PAX8: variants seen among roughly 807,000 people sequenced by gnomAD.
PAX8 encodes paired box protein Pax-8.
In PAX8, 15 loss-of-function variants were observed where a neutral mutation model predicts 52.4. The observed-to-expected ratio is 0.29, with a 90% confidence interval of 0.19 to 0.44. The LOEUF (loss-of-function observed/expected upper bound fraction) is 0.44. Ranked by LOEUF, PAX8 falls within the 20% of genes least tolerant of loss-of-function variation. PAX8 has a pLI of 1.00. For missense variants in PAX8, 554 were observed against 602.5 expected (o/e 0.92, Z 0.84); for synonymous variants, 284 against 249.7 (o/e 1.14, Z -1.29).
At chr2:113,243,837 A>C (rs964701084) in intron 4 of PAX8, among the ~76,000 whole-genome samples, 3 of 152,242 alleles carry the variant, frequency 2.0e-5, no homozygotes, top group African/African-American at 7.2e-5. Context: ...GCTACCTTGC[A>C]TATCTTCATG....
chr2:113,250,807 T>G (rs1277283367), intron 2 of PAX8: 1 of 152,250 alleles, frequency 6.6e-6, no homozygotes, highest in East Asian at 1.9e-4. Context: ...AAGACAAGAA[T>G]CCTGGCCTTC....
At chr2:113,266,664 G>A (rs753925107) in intron 2 of PAX8, 1 of 152,214 alleles carries the variant, frequency 6.6e-6, no homozygotes, top group Non-Finnish European at 1.5e-5. Context: ...GAAGTTCATG[G>A]TGTTCTGCAA....
rs768437963 is a variant in PAX8, at chr2:113,246,958, A to G, written c.26-39T>C. On this transcript the variant is annotated intron_variant, in intron 2 of 11. Transcript: ENST00000429538. ...ATTCCCAGGGACAGCTGTCAGGGTC[A>G]GGTAGGAGTTTGGGTGGGGATTAGC... 23 of 1,589,044 alleles carry G rather than the reference A, an allele frequency of 1.4e-5. No homozygotes were observed. In the African/African-American group the frequency reaches 2.7e-4, roughly 19 times the overall value.
At chr2:113,277,820 C>A (rs1319448593) in intron 2 of PAX8, among the ~76,000 whole-genome samples, 2 of 152,174 alleles carry the variant, frequency 1.3e-5, no homozygotes, top group African/African-American at 4.8e-5. Flanking sequence ...GCCCGGCCTG[C>A]CCGGTGCTGG....
At chr2:113,219,952 C>T in intron 11 of PAX8, 140 bp downstream of exon 11, 1 of 626,302 alleles carries the variant, frequency 1.6e-6, no homozygotes, top group Non-Finnish European at 2.9e-6. Context: ...CTGCCTTCTT[C>T]CATCACAAAC....
intron 2 of PAX8, among the ~76,000 whole-genome samples, chr2:113,248,343 C>A (rs1691495162): frequency 6.6e-6 from 1 of 152,196 alleles, no homozygotes; most frequent in Non-Finnish European, 1.5e-5. Flanking sequence ...AGAGCTATGC[C>A]TGGATGCTTG....
At chr2:113,241,931 A>C in intron 6 of PAX8, 77 bp downstream of exon 6, 1 of 1,557,790 alleles carries the variant, frequency 6.4e-7, no homozygotes, top group Non-Finnish European at 8.8e-7. Flanking sequence ...TCATAAGTGG[A>C]AGGGTTTCTG....
At chr2:113,226,030 A>G in intron 10 of PAX8, 8 of 985,710 alleles carry the variant, frequency 8.1e-6, no homozygotes, top group Non-Finnish European at 9.6e-6. Flanking sequence ...GCACATCGCC[A>G]CGGTAACCAG....
Position 113,235,387 on chromosome 2 carries a change from G to A in PAX8, c.1087+7C>T, listed in dbSNP as rs748252451. ...AGCTGCATGGCCCCGGGACCTCCCTGTCGTACCTGAGAGGAGGGCCTGGCC... is the reference window on the plus strand; with the variant it reads ...AGCTGCATGGCCCCGGGACCTCCCTATCGTACCTGAGAGGAGGGCCTGGCC... On this transcript the variant is annotated splice_region_variant and intron_variant, in intron 9 of 11. Coordinates refer to ENST00000429538, the MANE Select transcript of PAX8 (RefSeq NM_003466.4). 2.6e-6 allele frequency: 4 copies of A among 1,566,106 alleles called. No homozygotes were observed. The highest frequency in any genetic ancestry group is 4.7e-5 in the East Asian group (2 of 42,152).
At chr2:113,266,627 G>A (rs921551985) in intron 2 of PAX8, 4 of 152,210 alleles carry the variant, frequency 2.6e-5, no homozygotes, top group Non-Finnish European at 4.4e-5. Context: ...CAGCTGTTCT[G>A]ACACTTGTCA....
chr2:113,256,330 A>G (rs1221188475), intron 2 of PAX8, among the ~76,000 whole-genome samples: 1 of 152,206 alleles, frequency 6.6e-6, no homozygotes, highest in South Asian at 2.1e-4. Context: ...TGTTTAGAGG[A>G]AGAGCCTGTG....
chr2:113,231,603 G>C (rs941812869), intron 9 of PAX8, among the ~76,000 whole-genome samples: 2 of 152,226 alleles, frequency 1.3e-5, no homozygotes, highest in African/African-American at 4.8e-5. Context: ...AGAGGCATGT[G>C]GAAGATTCAC....
chr2:113,257,731 A>C (rs114049776), intron 2 of PAX8, among the ~76,000 whole-genome samples: 6,266 of 152,210 alleles, frequency 0.041, 235 homozygotes, highest in South Asian at 0.15. Flanking sequence ...AGGAAGAGCT[A>C]TCTTTAGTAC....
intron 2 of PAX8, chr2:113,275,686 T>C (rs1454139257): frequency 6.6e-6 from 1 of 152,226 alleles, no homozygotes; most frequent in African/African-American, 2.4e-5. Flanking sequence ...TTTTCACTTT[T>C]ATATATATGG....
rs116441771 is a variant in PAX8 at position 113,242,198 on chromosome 2, G to A, written c.479-68C>T. On this transcript the variant is annotated intron_variant, in intron 5 of 11. Coordinates refer to ENST00000429538, the MANE Select transcript of PAX8 (RefSeq NM_003466.4). ...CCCCTCACAGCCCTGGGTGACTCTG[G>A]GGTAGTTACAGTTGAGCTGGGGACT... is the stretch of plus-strand genomic sequence containing the variant. 0.047 allele frequency: 69,815 copies of A among 1,473,230 alleles called. 2,484 individuals are homozygous for A. Among genetic ancestry groups the A allele is most frequent in the South Asian group, 0.14 (12,090 of 86,048 alleles). 91.3% of individuals were successfully genotyped at this position (1,473,230 alleles called of 1,614,324 possible).
At chr2:113,251,265 G>A (rs1487890587) in intron 2 of PAX8, among the ~76,000 whole-genome samples, 2 of 152,186 alleles carry the variant, frequency 1.3e-5, no homozygotes, top group Admixed American at 1.3e-4. Flanking sequence ...GGGTTGGGGG[G>A]ACGATTGGCG....
chr2:113,242,841 C>T, intron 4 of PAX8, 63 bp from the exon 5 acceptor site: 1 of 1,317,834 alleles, frequency 7.6e-7, no homozygotes, highest in Non-Finnish European at 1.1e-6. Context: ...ATGGCTGCCC[C>T]AGACCCAGTC....
intron 11 of PAX8, among the ~76,000 whole-genome samples, chr2:113,219,161 T>C (rs1454150379): frequency 6.6e-6 from 1 of 152,206 alleles, no homozygotes; most frequent in African/African-American, 2.4e-5. Flanking sequence ...CTGGCTAAAT[T>C]GAATGGAAAG....
chr2:113,258,923 C>A (rs1692461525), intron 2 of PAX8, among the ~76,000 whole-genome samples: 1 of 152,102 alleles, frequency 6.6e-6, no homozygotes, highest in South Asian at 2.1e-4. Context: ...TGTCAATAGA[C>A]CTCTAAGCTC....
Sources: gnomAD v4.1 joint callset for allele counts (sites outside exome capture counted in the v4.1 genomes callset) on GRCh38, gnomAD v4.1.1 for gene constraint, MANE v1.5 for transcripts, NCBI Gene and HGNC (gene_info 2026-07-23, HGNC 2026-07-21) for gene names.